The following ALPK2 variants were observed in gnomAD, a reference collection of about 807,000 sequenced individuals.
ALPK2 encodes the protein alpha-protein kinase 2.
ALPK2 carries 127 observed loss-of-function variants against 163.1 expected under a neutral mutation model. That is an observed-to-expected ratio of 0.78 (90% confidence interval 0.67 to 0.90). The LOEUF is 0.90. Ranked by LOEUF, ALPK2 falls within the 40% of genes least tolerant of loss-of-function variation. The probability of loss-of-function intolerance (pLI) is 0.00; values close to 1 mark genes in which losing one functional copy is unlikely to be tolerated. For synonymous variants in ALPK2, 953 were observed against 959.1 expected (o/e 0.99, Z 0.12); for missense variants, 2,360 against 2,589.6 (o/e 0.91, Z 1.92).
At chr18:58,588,398 A>C (rs1342731426) in intron 3 of ALPK2, among the ~76,000 whole-genome samples, 1 of 152,144 alleles carries the variant, frequency 6.6e-6, no homozygotes. Context: ...AAGGGCAAAT[A>C]ATGTTTGAAT....
intron 8 of ALPK2, among the ~76,000 whole-genome samples, chr18:58,519,371 T>C (rs1259601000): frequency 6.6e-6 from 1 of 152,240 alleles, no homozygotes; most frequent in Non-Finnish European, 1.5e-5. Context: ...AAATGTTATA[T>C]GTACATACAC....
At chr18:58,558,925 G>A (rs2051808866) in intron 4 of ALPK2, among the ~76,000 whole-genome samples, 1 of 152,232 alleles carries the variant, frequency 6.6e-6, no homozygotes, top group African/African-American at 2.4e-5. Context: ...GCTGGGGGAA[G>A]AAGGGGAGAG....
At position 58,580,559 on chromosome 18, in the gene ALPK2, G is replaced by T; in HGVS notation, c.228-11C>A. ...TCATTTTTGGTACAGCTAGGATGAA[G>T]AGAATATATAGATAAGTTTGCCACA... On this transcript the variant is annotated splice_polypyrimidine_tract_variant and intron_variant, in intron 3 of 12. Coordinates refer to ENST00000361673, the MANE Select transcript of ALPK2 (RefSeq NM_052947.4). The T allele has an allele frequency of 6.2e-7, 1 of 1,604,726 alleles. No individual in the cohort carries two copies. The highest frequency in any genetic ancestry group is 1.7e-5 in the Admixed American group (1 of 59,172).
Position 58,580,484 on chromosome 18 carries a change from A to C in ALPK2, c.292T>G (p.Cys98Gly), listed in dbSNP as rs1244288055. ...SAKNSFGMICCSASVEVECSS... is the reference protein window; with the variant it reads ...SAKNSFGMICGSASVEVECSS... Reference sequence around the variant, plus strand: ...CACTCAACCTCAACGGAAGCAGAACAACAGATCATTCCAAAAGAGTTTTTA... The same window carrying C: ...CACTCAACCTCAACGGAAGCAGAACCACAGATCATTCCAAAAGAGTTTTTA... The change falls in exon 4 of 13, where the codon TGT becomes GGT. Residue 98 changes from cysteine (C) to glycine (G), a missense_variant. Physicochemically the swap from Cys to Gly is radical, Grantham distance 159 (BLOSUM62 -3). Transcript: ENST00000361673. The C allele has an allele frequency of 1.1e-5, 17 of 1,614,108 alleles. No homozygotes were observed. Among genetic ancestry groups the C allele is most frequent in the Non-Finnish European group, 1.4e-5 (17 of 1,180,050 alleles).
Position 58,516,928 on chromosome 18 carries a change from T to C in ALPK2, c.5920A>G (p.Asn1974Asp). Residue 1974 changes from asparagine (N) to aspartate (D), a missense_variant, in exon 9 of 13, where the codon AAC (asparagine) becomes GAC (aspartate). Physicochemically the swap from Asn to Asp is conservative, Grantham distance 23. Transcript: ENST00000361673. ...TRNNDELIQR[N>D]YKLAAQECYV... ...CCCACCTGGGCAGCGAGTTTGTAGTTCCTTTGGATGAGCTCATCATTATTT... is the reference window on the plus strand; with the variant it reads ...CCCACCTGGGCAGCGAGTTTGTAGTCCCTTTGGATGAGCTCATCATTATTT... The C allele has an allele frequency of 2.5e-6, 4 of 1,613,660 alleles. No homozygotes were observed. In the South Asian group the frequency reaches 4.4e-5, roughly 18 times the overall value.
chr18:58,599,062 G>A (rs2052055820), intron 3 of ALPK2, among the ~76,000 whole-genome samples: 1 of 152,150 alleles, frequency 6.6e-6, no homozygotes, highest in Non-Finnish European at 1.5e-5. Flanking sequence ...CACCTGACTA[G>A]CATGATTTGC....
intron 1 of ALPK2, among the ~76,000 whole-genome samples, chr18:58,624,547 C>T (rs7245293): frequency 0.71 from 108,083 of 151,852 alleles, 38,846 homozygotes; most frequent in East Asian, 0.96. Flanking sequence ...CTCTGCCTCC[C>T]GGGTTCAAGC....
Position 58,495,030 on chromosome 18 carries a change from C to CTGCCCCA in ALPK2, c.6296+3012_6296+3018dup, listed in dbSNP as rs72279315. Among the ~76,000 whole-genome samples, 786 of 151,668 alleles carry CTGCCCCA rather than the reference C, an allele frequency of 5.2e-3. 4 individuals carry two copies. Among genetic ancestry groups the CTGCCCCA allele is most frequent in the African/African-American group, 0.013 (541 of 41,258 alleles). On this transcript the variant is annotated intron_variant, in intron 12 of 12. Coordinates refer to ENST00000361673, the MANE Select transcript of ALPK2 (RefSeq NM_052947.4). ...TTCTTGACTCCTGCCAGCAAGCAGG[C>CTGCCCCA]TGCCCCATGCCCCATGCCCCATGCC...
intron 4 of ALPK2, among the ~76,000 whole-genome samples, chr18:58,558,783 C>G (rs955444711): frequency 1.3e-5 from 2 of 152,106 alleles, no homozygotes; most frequent in Admixed American, 1.3e-4. Context: ...ACATGGGTGA[C>G]CCTTGGAAAC....
At chr18:58,599,234 A>G (rs1406910086) in intron 3 of ALPK2, among the ~76,000 whole-genome samples, 1 of 152,212 alleles carries the variant, frequency 6.6e-6, no homozygotes, top group Middle Eastern at 3.2e-3. Context: ...GATTCTCAGA[A>G]GGGACCTATC....
chr18:58,571,310 C>T (rs533512473), intron 4 of ALPK2, among the ~76,000 whole-genome samples: 8 of 152,008 alleles, frequency 5.3e-5, no homozygotes, highest in Non-Finnish European at 8.8e-5. Context: ...TGTGAGCCAC[C>T]GCACTTGGCA....
intron 1 of ALPK2, among the ~76,000 whole-genome samples, chr18:58,616,952 G>A (rs950328537): frequency 3.9e-5 from 6 of 152,198 alleles, no homozygotes; most frequent in African/African-American, 1.4e-4. Context: ...CCCACAACCT[G>A]TGGGATCTGA....
At chr18:58,530,435 C>T (rs1447804103) in intron 5 of ALPK2, among the ~76,000 whole-genome samples, 1 of 152,164 alleles carries the variant, frequency 6.6e-6, no homozygotes, top group East Asian at 1.9e-4. Context: ...TGGTTCCTGC[C>T]CAAGCTGAGA....
intron 9 of ALPK2, 143 bp downstream of exon 9, chr18:58,516,765 G>A (rs554748496): frequency 4.3e-5 from 44 of 1,011,830 alleles, no homozygotes; most frequent in Non-Finnish European, 6.0e-5. Flanking sequence ...GTGATCCCCA[G>A]CATTGAGATT....
chr18:58,486,873 C>G (rs965588413), intron 12 of ALPK2, among the ~76,000 whole-genome samples: 1 of 152,212 alleles, frequency 6.6e-6, no homozygotes, highest in Non-Finnish European at 1.5e-5. Context: ...ATCCCAGATT[C>G]ATTCAAAGGA....
rs762972895 is a variant in ALPK2, at chr18:58,481,748, C to T, written c.*75G>A. On this transcript the variant is annotated 3_prime_UTR_variant, in exon 13 of 13. Coordinates refer to ENST00000361673, the MANE Select transcript of ALPK2 (RefSeq NM_052947.4). ...GCACTCTCTGCAGGCTGTATATTCT[C>T]TCCTGTGTGGCCTCAGATTTTCCCT... The T allele has an allele frequency of 8.0e-7, 1 of 1,243,648 alleles. No individual in the cohort carries two copies. Among genetic ancestry groups the T allele is most frequent in the African/African-American group, 1.5e-5 (1 of 66,736 alleles). The allele number at this position is 1,243,648 out of a possible 1,614,324, so 77.0% of individuals were successfully genotyped here.
intron 11 of ALPK2, among the ~76,000 whole-genome samples, chr18:58,501,085 CACAATG>C (rs1467432895): frequency 6.6e-6 from 1 of 152,116 alleles, no homozygotes; most frequent in African/African-American, 2.4e-5. Flanking sequence ...TATCTCATGC[CACAATG>C]ACAATGACAG....
At chr18:58,575,867 A>G (rs1371235619) in intron 4 of ALPK2, among the ~76,000 whole-genome samples, 1 of 152,244 alleles carries the variant, frequency 6.6e-6, no homozygotes, top group Non-Finnish European at 1.5e-5. Context: ...AAAGAGAGAA[A>G]GGGAGACAGG....
Position 58,481,615 on chromosome 18 carries a change from C to G in ALPK2, c.*208G>C. 1 of 590,246 alleles carries G rather than the reference C, an allele frequency of 1.7e-6. No individual in the cohort carries two copies. Among genetic ancestry groups the G allele is most frequent in the South Asian group, 2.1e-5 (1 of 48,164 alleles). The allele number at this position is 590,246 out of a possible 1,614,324, so 36.6% of individuals were successfully genotyped here. A position where few individuals can be genotyped will look rare whatever the true frequency, so the allele number is the denominator to read the frequency against. On this transcript the variant is annotated 3_prime_UTR_variant, in exon 13 of 13. Transcript: ENST00000361673. The stretch of plus-strand genomic sequence containing the variant: ...GAGACCAATCGTTGATTCAATCTCC[C>G]CATAAACCTGGTCGCAAATCCTGTT...
Sources: allele counts gnomAD v4.1 joint callset (sites outside exome capture counted in the v4.1 genomes callset), GRCh38; gene constraint gnomAD v4.1.1; transcripts MANE v1.5; gene names NCBI Gene and HGNC (gene_info 2026-07-23, HGNC 2026-07-21).